SNTG1: variants seen among roughly 807,000 people sequenced by gnomAD.
The protein encoded by SNTG1 is syntrophin gamma 1, also known as gamma-1-syntrophin.
SNTG1 carries 39 observed loss-of-function variants against 74.7 expected under a neutral mutation model. The ratio of observed to expected loss-of-function variants is 0.52; its 90% CI spans 0.40 to 0.68. SNTG1 has a LOEUF of 0.68. Among genes scored for constraint, SNTG1 ranks in the 30% least tolerant of loss-of-function variants. The pLI, the probability that SNTG1 is intolerant of heterozygous loss-of-function variation, is 0.00. For missense variants in SNTG1, 685 were observed against 609.5 expected (o/e 1.12, Z -1.30); for synonymous variants, 254 against 217.1 (o/e 1.17, Z -1.49).
At chr8:50,692,161 T>C (rs2095383363) in intron 15 of SNTG1, among the ~76,000 whole-genome samples, 1 of 152,178 alleles carries the variant, frequency 6.6e-6, no homozygotes, top group Non-Finnish European at 1.5e-5. Context: ...TAATTTTTTT[T>C]CAAAGCTTTT....
chr8:50,087,788 TTTTTTATTATACTTTAA>T (rs1348928189), intron 1 of SNTG1, among the ~76,000 whole-genome samples: 2 of 151,982 alleles, frequency 1.3e-5, no homozygotes, highest in Non-Finnish European at 2.9e-5. Flanking sequence ...TATTTATTTA[TTTTTTATTATACTTTAA>T]GTTTTAGGGT....
At chr8:50,728,678 G>A (rs1451926263) in intron 17 of SNTG1, among the ~76,000 whole-genome samples, 1 of 152,122 alleles carries the variant, frequency 6.6e-6, no homozygotes, top group Non-Finnish European at 1.5e-5. Context: ...CTCATGTGTG[G>A]CCCGCATTTG....
At chr8:50,537,066 T>C (rs1376504742) in intron 11 of SNTG1, among the ~76,000 whole-genome samples, 2 of 152,226 alleles carry the variant, frequency 1.3e-5, no homozygotes, top group Admixed American at 6.5e-5. Flanking sequence ...TAAGTTTTCA[T>C]ATTTCATATT....
intron 1 of SNTG1, among the ~76,000 whole-genome samples, chr8:49,988,747 G>A (rs1317702697): frequency 1.3e-5 from 2 of 151,924 alleles, no homozygotes; most frequent in African/African-American, 2.4e-5. Context: ...ACACACAAAA[G>A]CTTATTAATG....
chr8:50,768,007 T>G (rs1348809018), intron 18 of SNTG1, among the ~76,000 whole-genome samples: 1 of 152,014 alleles, frequency 6.6e-6, no homozygotes, highest in Admixed American at 6.6e-5. Context: ...GTCATGCTAG[T>G]GCATTTTGTA....
intron 8 of SNTG1, among the ~76,000 whole-genome samples, chr8:50,478,203 T>C (rs746714043): frequency 6.6e-6 from 1 of 152,202 alleles, no homozygotes; most frequent in Non-Finnish European, 1.5e-5. Context: ...TATGTTTGTA[T>C]ACAGAAAACC....
chr8:50,281,570 G>A (rs2088458206), intron 2 of SNTG1, among the ~76,000 whole-genome samples: 1 of 152,158 alleles, frequency 6.6e-6, no homozygotes, highest in Non-Finnish European at 1.5e-5. Flanking sequence ...GAGCAAATGA[G>A]AAATGCTAGT....
At chr8:50,040,888 T>A (rs146798694) in intron 1 of SNTG1, among the ~76,000 whole-genome samples, 71 of 152,288 alleles carry the variant, frequency 4.7e-4, no homozygotes, top group African/African-American at 1.5e-3. Context: ...GGGCATTTTT[T>A]AAATTAATTA....
intron 13 of SNTG1, among the ~76,000 whole-genome samples, chr8:50,636,728 G>A (rs532722627): frequency 7.2e-5 from 11 of 152,062 alleles, no homozygotes; most frequent in African/African-American, 2.7e-4. Context: ...GTTAAAATCA[G>A]GTACTGTGTT....
intron 1 of SNTG1, among the ~76,000 whole-genome samples, chr8:50,150,605 G>T (rs140947990): frequency 6.6e-6 from 1 of 152,074 alleles, no homozygotes. Flanking sequence ...TAGCATGAAG[G>T]GTTGTTGAAT....
At chr8:49,965,780 A>G (rs1811081940) in intron 1 of SNTG1, among the ~76,000 whole-genome samples, 1 of 152,198 alleles carries the variant, frequency 6.6e-6, no homozygotes, top group Non-Finnish European at 1.5e-5. Context: ...CATATTACAA[A>G]TTTTAGTTAT....
intron 17 of SNTG1, among the ~76,000 whole-genome samples, chr8:50,713,276 G>A (rs1330031397): frequency 2.0e-5 from 3 of 152,098 alleles, no homozygotes; most frequent in Non-Finnish European, 4.4e-5. Context: ...TTTTTCATAT[G>A]TTTGTTGCCT....
intron 1 of SNTG1, among the ~76,000 whole-genome samples, chr8:50,146,997 G>A (rs1298963037): frequency 6.6e-6 from 1 of 151,898 alleles, no homozygotes; most frequent in Non-Finnish European, 1.5e-5. Flanking sequence ...GTGTTTCACA[G>A]AGCAAAAGTT....
intron 13 of SNTG1, among the ~76,000 whole-genome samples, chr8:50,648,385 C>T (rs141157246): frequency 3.3e-5 from 5 of 152,110 alleles, no homozygotes; most frequent in East Asian, 1.9e-4. Context: ...TGTACACCAC[C>T]GCATTCTTTT....
chr8:50,184,376 G>T (rs1440274221), intron 2 of SNTG1, among the ~76,000 whole-genome samples: 1 of 152,104 alleles, frequency 6.6e-6, no homozygotes, highest in Non-Finnish European at 1.5e-5. Flanking sequence ...ATGTTGGTCA[G>T]GCTGGTCTCC....
intron 2 of SNTG1, among the ~76,000 whole-genome samples, chr8:50,384,174 T>C (rs751538190): frequency 2.0e-5 from 3 of 152,100 alleles, no homozygotes; most frequent in Non-Finnish European, 4.4e-5. Context: ...TGCAAGAAAA[T>C]GCCACCTGGC....
chr8:50,074,901 T>C (rs1186133475), intron 1 of SNTG1, among the ~76,000 whole-genome samples: 1 of 152,070 alleles, frequency 6.6e-6, no homozygotes, highest in Non-Finnish European at 1.5e-5. Context: ...CCGGCCGCAC[T>C]CGCGGCGCAC....
chr8:50,103,567 A>G (rs368728009), intron 1 of SNTG1, among the ~76,000 whole-genome samples: 1 of 151,534 alleles, frequency 6.6e-6, no homozygotes, highest in African/African-American at 2.4e-5. Context: ...TCTCCTGCCT[A>G]ATTGCCCTGG....
chr8:49,977,521 G>A (rs760808984), intron 1 of SNTG1, among the ~76,000 whole-genome samples: 18 of 152,052 alleles, frequency 1.2e-4, no homozygotes, highest in African/African-American at 1.7e-4. Context: ...TATCTTCCAA[G>A]ATCAGAACAT....
Sources: allele counts gnomAD v4.1 joint callset (sites outside exome capture counted in the v4.1 genomes callset), GRCh38; gene constraint gnomAD v4.1.1; transcripts MANE v1.5; gene names NCBI Gene and HGNC (gene_info 2026-07-23, HGNC 2026-07-21).